Variants in HMOX1 observed in about 807,000 individuals in gnomAD.
HMOX1 encodes heme oxygenase 1, also known as heat shock protein, 32-kD.
A neutral mutation model predicts 27.8 loss-of-function variants in HMOX1; 22 were observed. That is an observed-to-expected ratio of 0.79 (90% CI 0.57 to 1.13). The LOEUF (loss-of-function observed/expected upper bound fraction) is 1.13, where lower values mean the gene tolerates loss of function less well. HMOX1 is among the 50% of genes most tolerant of loss of function. The pLI is 0.00. For missense variants in HMOX1, 379 were observed against 377.7 expected, an observed-to-expected ratio of 1.00 and a Z score of -0.03; for synonymous variants, 153 against 151.6, an observed-to-expected ratio of 1.01 and a Z score of -0.07.
At position 35,389,334 on chromosome 22, in the gene HMOX1, CT is replaced by C. The variant is rs1310529122; in HGVS notation, c.637-527del. 1.2e-3 allele frequency among the ~76,000 whole-genome samples: 136 copies of C among 111,828 alleles called. 1 individual carries two copies. Among genetic ancestry groups the C allele is most frequent in the East Asian group, 8.4e-3 (36 of 4,300 alleles). The allele number at this position is 111,828 out of a possible 152,430, so 73.4% of individuals were successfully genotyped here. A position where few individuals can be genotyped will look rare whatever the true frequency, so the allele number is the denominator to read the frequency against. On this transcript the variant is annotated intron_variant, in intron 3 of 4. Transcript: ENST00000216117. ...TTCTTTCTTTCTTCTTTCTTTCTTT[CT>C]TTCTTCTCCTTCCTTCCTTCCTTCC...
chr22:35,385,629 T>C (rs1479223836), intron 2 of HMOX1, among the ~76,000 whole-genome samples: 2 of 148,886 alleles, frequency 1.3e-5, no homozygotes, highest in Non-Finnish European at 3.0e-5. Context: ...TTTTTTTTTT[T>C]TTCTGAGTCA....
chr22:35,388,089 C>A (rs953791960), intron 3 of HMOX1, among the ~76,000 whole-genome samples: 5 of 151,612 alleles, frequency 3.3e-5, no homozygotes, highest in Admixed American at 3.3e-4. Context: ...CATGGTGAGA[C>A]CCTGTCTCTA....
Position 35,381,111 on chromosome 22 carries a change from T to G in HMOX1, c.-63T>G. ...TCCGGCAGTCAACGCCTGCCTCCTC[T>G]CGAGCGTCCTCAGCGCAGCCGCCGC... is the stretch of plus-strand genomic sequence containing the variant. On this transcript the variant is annotated 5_prime_UTR_variant, in exon 1 of 5. Coordinates refer to ENST00000216117, the MANE Select transcript of HMOX1 (RefSeq NM_002133.3). The G allele has an allele frequency of 6.5e-7, 1 of 1,533,248 alleles. No individual in the cohort carries two copies. The highest frequency in any genetic ancestry group is 8.7e-7 in the Non-Finnish European group (1 of 1,144,924). The allele number at this position is 1,533,248 out of a possible 1,614,324, so 95.0% of individuals were successfully genotyped here. A position where few individuals can be genotyped will look rare whatever the true frequency, so the allele number is the denominator to read the frequency against.
chr22:35,388,131 G>GA (rs61701901), intron 3 of HMOX1, among the ~76,000 whole-genome samples: 23,790 of 151,506 alleles, frequency 0.16, 3,944 homozygotes, highest in African/African-American at 0.42. Context: ...AAATTTAAAG[G>GA]AAAAAAATGT....
chr22:35,381,536 C>T (rs1601738597), intron 1 of HMOX1, among the ~76,000 whole-genome samples: 3 of 152,000 alleles, frequency 2.0e-5, no homozygotes, highest in Admixed American at 2.0e-4. Context: ...CTCTGGGGCT[C>T]TGCCAGCCTG....
At chr22:35,391,221 G>A (rs992242757) in intron 4 of HMOX1, among the ~76,000 whole-genome samples, 22 of 152,194 alleles carry the variant, frequency 1.4e-4, no homozygotes, top group African/African-American at 5.3e-4. Flanking sequence ...GTGGGAGGTG[G>A]TAATCCTAGT....
intron 4 of HMOX1, chr22:35,390,421 G>T (rs1279823090): frequency 1.7e-5 from 4 of 229,786 alleles, no homozygotes; most frequent in Non-Finnish European, 3.5e-5. Context: ...TAGAGATGGG[G>T]TTTCACCATG....
chr22:35,390,010 GGACTTGGCTGTCT>G (rs143430077), intron 4 of HMOX1, 47 bp downstream of exon 4: 59,416 of 1,271,392 alleles, frequency 0.047, 1,574 homozygotes, highest in Non-Finnish European at 0.053. Context: ...ACACATGGAG[GGACTTGGCTGTCT>G]GACTGTAGTA....
At chr22:35,382,979 AT>A in intron 1 of HMOX1, 126 bp from the exon 2 acceptor site, 1 of 1,339,330 alleles carries the variant, frequency 7.5e-7, no homozygotes, top group South Asian at 1.2e-5. Context: ...TCTTAAAGCG[AT>A]TGAGAACGTG....
chr22:35,381,303 C>T (rs1931384377), intron 1 of HMOX1, 107 bp downstream of exon 1: 10 of 1,359,076 alleles, frequency 7.4e-6, no homozygotes, highest in Non-Finnish European at 1.0e-5. Flanking sequence ...GCCCAGGAGC[C>T]AGAAACTTGG....
intron 3 of HMOX1, 114 bp downstream of exon 3, chr22:35,387,290 T>G (rs572633484): frequency 8.0e-7 from 1 of 1,254,714 alleles, no homozygotes; most frequent in South Asian, 1.2e-5. Flanking sequence ...GGAACCAGAG[T>G]TCCAGCACTG....
At chr22:35,389,985 C>T (rs201274746) in intron 4 of HMOX1, 22 bp downstream of exon 4, 2 of 1,529,796 alleles carry the variant, frequency 1.3e-6, no homozygotes, top group Admixed American at 3.5e-5. Context: ...CAGGAAGGGG[C>T]ACTTCCTCTG....
chr22:35,388,263 C>T (rs1013421032), intron 3 of HMOX1, among the ~76,000 whole-genome samples: 1 of 151,924 alleles, frequency 6.6e-6, no homozygotes, highest in Non-Finnish European at 1.5e-5. Flanking sequence ...CCAGCCCTGG[C>T]AACACAGTGA....
intron 1 of HMOX1, among the ~76,000 whole-genome samples, chr22:35,382,414 C>T (rs1050263844): frequency 5.9e-5 from 9 of 151,352 alleles, no homozygotes; most frequent in South Asian, 2.1e-4. Context: ...TGCAGTGGCG[C>T]GATCTCGGCT....
chr22:35,392,496 G>A (rs552438340), intron 4 of HMOX1, among the ~76,000 whole-genome samples: 12 of 152,144 alleles, frequency 7.9e-5, no homozygotes, highest in African/African-American at 2.9e-4. Flanking sequence ...TGTGACCGCA[G>A]CCCTGGGCCA....
chr22:35,385,685 G>A (rs981766573), intron 2 of HMOX1, among the ~76,000 whole-genome samples: 22 of 145,472 alleles, frequency 1.5e-4, no homozygotes, highest in African/African-American at 2.3e-4. Flanking sequence ...GCGTGATCTC[G>A]GCTCACTGCA....
chr22:35,381,373 G>A, intron 1 of HMOX1, 177 bp downstream of exon 1: 1 of 705,264 alleles, frequency 1.4e-6, no homozygotes. Flanking sequence ...GTAGTTGGAG[G>A]GAGGAACGGT....
intron 3 of HMOX1, among the ~76,000 whole-genome samples, chr22:35,389,402 T>C (rs1475418855): frequency 2.2e-5 from 2 of 92,244 alleles, no homozygotes; most frequent in Admixed American, 9.7e-5. Flanking sequence ...CTTCCTTTCT[T>C]TCTTTCTTTC....
chr22:35,386,855 C>T lies in HMOX1; in HGVS notation c.315C>T (p.Ile105=). 2 of 1,614,176 alleles carry T rather than the reference C, an allele frequency of 1.2e-6. No homozygotes were observed. The highest frequency in any genetic ancestry group is 1.7e-6 in the Non-Finnish European group (2 of 1,180,030). The change falls in exon 3 of 5, where the codon ATC becomes ATT. Residue 105 remains isoleucine, a synonymous_variant. Transcript: ENST00000216117. Reference sequence around the variant, plus strand: ...ACGGGCCCCGCTGGCAGGAGGTCATCCCCTACACACCAGCCATGCAGCGCT... The same window carrying T: ...ACGGGCCCCGCTGGCAGGAGGTCATTCCCTACACACCAGCCATGCAGCGCT... ...FWYGPRWQEV[I]PYTPAMQRYV...
Sources: gnomAD v4.1 joint callset for allele counts (sites outside exome capture counted in the v4.1 genomes callset) on GRCh38, gnomAD v4.1.1 for gene constraint, MANE v1.5 for transcripts, NCBI Gene and HGNC (gene_info 2026-07-23, HGNC 2026-07-21) for gene names.